CORIN: variants seen among roughly 807,000 people sequenced by gnomAD.
CORIN encodes the protein atrial natriuretic peptide-converting enzyme.
A neutral mutation model predicts 125.3 loss-of-function variants in CORIN; 117 were observed. The ratio of observed to expected loss-of-function variants is 0.93; its 90% CI spans 0.80 to 1.09. CORIN has a LOEUF of 1.09. Ranked by LOEUF, CORIN falls within the 50% of genes least tolerant of loss-of-function variation. CORIN has a pLI of 0.00. For missense variants in CORIN, 1,253 were observed against 1,306.7 expected, an observed-to-expected ratio of 0.96 and a Z score of 0.63; for synonymous variants, 450 against 466.4, an observed-to-expected ratio of 0.96 and a Z score of 0.45.
intron 5 of CORIN, among the ~76,000 whole-genome samples, chr4:47,721,585 C>G (rs1727353493): frequency 6.6e-6 from 1 of 152,122 alleles, no homozygotes; most frequent in Non-Finnish European, 1.5e-5. Flanking sequence ...CTCATCTAAA[C>G]CTAATTATCT....
At chr4:47,709,384 C>T (rs1047806583) in intron 5 of CORIN, among the ~76,000 whole-genome samples, 26 of 152,246 alleles carry the variant, frequency 1.7e-4, no homozygotes, top group Non-Finnish European at 2.2e-4. Flanking sequence ...GCCTCGATCT[C>T]CCAGGCTCAA....
rs1184437158 is a variant in CORIN at position 47,594,547 on chromosome 4, A to G, written c.*1174T>C. 6.6e-6 allele frequency: 1 copy of G among 152,456 alleles called. No homozygotes were observed. Among genetic ancestry groups the G allele is most frequent in the African/African-American group, 2.4e-5 (1 of 41,458 alleles). 9.4% of individuals were successfully genotyped at this position (152,456 alleles called of 1,614,324 possible). On this transcript the variant is annotated 3_prime_UTR_variant, in exon 22 of 22. Coordinates refer to ENST00000273857, the MANE Select transcript of CORIN (RefSeq NM_006587.4). The stretch of plus-strand genomic sequence containing the variant: ...AATCATTTCTAAAATTTTAATTACC[A>G]ATGAGAAGAAACCAGATATTAAACA...
chr4:47,731,592 C>T (rs1030807727), intron 5 of CORIN, among the ~76,000 whole-genome samples: 3 of 152,066 alleles, frequency 2.0e-5, no homozygotes, highest in East Asian at 1.9e-4. Flanking sequence ...AAATGCTGGC[C>T]GGGCACGGTG....
At chr4:47,709,481 C>T (rs956226511) in intron 5 of CORIN, among the ~76,000 whole-genome samples, 2 of 151,868 alleles carry the variant, frequency 1.3e-5, no homozygotes, top group East Asian at 1.9e-4. Flanking sequence ...TTTGTAAAAA[C>T]GGGTTTTGCC....
intron 19 of CORIN, among the ~76,000 whole-genome samples, chr4:47,615,512 A>G (rs1722037936): frequency 6.6e-6 from 1 of 152,218 alleles, no homozygotes; most frequent in South Asian, 2.1e-4. Context: ...TATGGAGGTA[A>G]TCAAGTTAAA....
At chr4:47,816,512 C>G (rs982152111) in intron 1 of CORIN, among the ~76,000 whole-genome samples, 1 of 152,124 alleles carries the variant, frequency 6.6e-6, no homozygotes, top group African/African-American at 2.4e-5. Context: ...GAGTTAACAG[C>G]CTACCTCCAA....
intron 19 of CORIN, among the ~76,000 whole-genome samples, chr4:47,621,104 T>A (rs769517773): frequency 6.6e-6 from 1 of 152,194 alleles, no homozygotes; most frequent in Non-Finnish European, 1.5e-5. Context: ...GCTAGTATGG[T>A]GGTTTTCAAA....
chr4:47,761,480 TACACACACACACAC>T (rs142904418), intron 4 of CORIN, among the ~76,000 whole-genome samples: 1 of 144,410 alleles, frequency 6.9e-6, no homozygotes, highest in Non-Finnish European at 1.5e-5. Context: ...GAAAATGTGA[TACACACACACACAC>T]ACACACACAC....
chr4:47,738,542 A>G (rs1296892388), intron 5 of CORIN, among the ~76,000 whole-genome samples: 1 of 152,244 alleles, frequency 6.6e-6, no homozygotes, highest in African/African-American at 2.4e-5. Flanking sequence ...ATAAATAACA[A>G]TAATTAAAGC....
rs1723832775 is a variant in CORIN at position 47,653,573 on chromosome 4, T to G, written c.1823A>C (p.Asp608Ala). The G allele has an allele frequency of 6.2e-7, 1 of 1,613,960 alleles. No individual in the cohort carries two copies. Among genetic ancestry groups the G allele is most frequent in the South Asian group, 1.1e-5 (1 of 91,092 alleles). ...RCDGQADCDD[D>A]SDEENCGCKE... Reference sequence around the variant, plus strand: ...CATACCACAGTTTTCCTCATCACTGTCATCGTCACAGTCGGCCTGGCCATC... The same window carrying G: ...CATACCACAGTTTTCCTCATCACTGGCATCGTCACAGTCGGCCTGGCCATC... Residue 608 changes from aspartate to alanine, a missense_variant, in exon 13 of 22, where the codon GAC becomes GCC. Transcript: ENST00000273857.
chr4:47,625,063 ACTCT>A (rs756225301), intron 17 of CORIN, among the ~76,000 whole-genome samples: 1 of 151,936 alleles, frequency 6.6e-6, no homozygotes, highest in Non-Finnish European at 1.5e-5. Flanking sequence ...TCTCTTCCTT[ACTCT>A]CTATTACATT....
At chr4:47,716,877 G>A (rs894383108) in intron 5 of CORIN, among the ~76,000 whole-genome samples, 2 of 151,868 alleles carry the variant, frequency 1.3e-5, no homozygotes, top group African/African-American at 4.8e-5. Flanking sequence ...CTTTCATACT[G>A]TTAAAAATAA....
At chr4:47,707,525 A>G (rs1346329057) in intron 5 of CORIN, among the ~76,000 whole-genome samples, 1 of 152,210 alleles carries the variant, frequency 6.6e-6, no homozygotes, top group Non-Finnish European at 1.5e-5. Context: ...GGACTCCTCT[A>G]TCTTGCAACT....
chr4:47,603,275 T>C, intron 20 of CORIN, 122 bp downstream of exon 20: 1 of 984,154 alleles, frequency 1.0e-6, no homozygotes, highest in East Asian at 2.5e-5. Flanking sequence ...TGATTGTAGG[T>C]TTCCTGAGGC....
intron 19 of CORIN, among the ~76,000 whole-genome samples, chr4:47,604,456 G>A (rs1419735710): frequency 6.6e-6 from 1 of 152,166 alleles, no homozygotes; most frequent in East Asian, 1.9e-4. Context: ...TCCCTGAGCT[G>A]CAGACTTAAT....
intron 1 of CORIN, among the ~76,000 whole-genome samples, chr4:47,837,017 G>T (rs907212846): frequency 6.6e-6 from 1 of 152,192 alleles, no homozygotes; most frequent in East Asian, 1.9e-4. Context: ...CCTTCTTCCT[G>T]GGGGCTCAGG....
chr4:47,674,123 A>C (rs952994696), intron 10 of CORIN, among the ~76,000 whole-genome samples: 6 of 152,240 alleles, frequency 3.9e-5, no homozygotes, highest in Non-Finnish European at 7.3e-5. Flanking sequence ...AATAATACAG[A>C]GAACTAATGC....
intron 13 of CORIN, among the ~76,000 whole-genome samples, chr4:47,649,064 T>C (rs1310044271): frequency 6.6e-6 from 1 of 152,166 alleles, no homozygotes. Flanking sequence ...AGGGCAGCCA[T>C]ACCAGCACAG....
At chr4:47,711,345 C>T (rs1327756286) in intron 5 of CORIN, among the ~76,000 whole-genome samples, 2 of 152,252 alleles carry the variant, frequency 1.3e-5, no homozygotes, top group African/African-American at 4.8e-5. Flanking sequence ...CCAAAGACTA[C>T]ATTTCCCAGT....
Sources: allele counts gnomAD v4.1 joint callset (sites outside exome capture counted in the v4.1 genomes callset), GRCh38; gene constraint gnomAD v4.1.1; transcripts MANE v1.5; gene names NCBI Gene and HGNC (gene_info 2026-07-23, HGNC 2026-07-21).